Variants in SLC39A11 observed in about 807,000 individuals in gnomAD.
SLC39A11 encodes solute carrier family 39 member 11.
In SLC39A11, 33 loss-of-function variants were observed where a neutral mutation model predicts 36.1. The ratio of observed to expected loss-of-function variants is 0.91; its 90% CI spans 0.69 to 1.22. The LOEUF is 1.22. Among genes scored for constraint, SLC39A11 ranks in the 50% most tolerant of loss-of-function variants. The pLI, the probability that SLC39A11 is intolerant of heterozygous loss-of-function variation, is 0.00. For missense variants in SLC39A11, 432 were observed against 430.3 expected, an observed-to-expected ratio of 1.00 and a Z score of -0.03; for synonymous variants, 166 against 170.3, an observed-to-expected ratio of 0.97 and a Z score of 0.20.
At chr17:72,838,230 TC>T (rs1406014148) in intron 6 of SLC39A11, 123 of 358,998 alleles carry the variant, frequency 3.4e-4, no homozygotes, top group African/African-American at 3.1e-3. Flanking sequence ...TCTTTCCTTT[TC>T]TTTTTTTTTT....
At chr17:72,715,900 T>C (rs1172004142) in intron 7 of SLC39A11, among the ~76,000 whole-genome samples, 3 of 152,080 alleles carry the variant, frequency 2.0e-5, no homozygotes, top group Non-Finnish European at 1.5e-5. Context: ...TTTCACCATG[T>C]TGGCCAGGCT....
chr17:72,757,187 A>G (rs74337148), intron 6 of SLC39A11, among the ~76,000 whole-genome samples: 2,190 of 151,964 alleles, frequency 0.014, 48 homozygotes, highest in African/African-American at 0.049. Context: ...AATAAATAAA[A>G]TAAAATAAAA....
chr17:72,897,351 T>C (rs991788329), intron 5 of SLC39A11, among the ~76,000 whole-genome samples: 5 of 152,138 alleles, frequency 3.3e-5, no homozygotes, highest in Non-Finnish European at 5.9e-5. Context: ...CATGTTAAAA[T>C]TGAAATGAAC....
chr17:72,774,996 G>T (rs1490817733), intron 6 of SLC39A11, among the ~76,000 whole-genome samples: 1 of 135,964 alleles, frequency 7.4e-6, no homozygotes, highest in Non-Finnish European at 1.5e-5. Context: ...TGGCTACAAA[G>T]AAAAAAAAAA....
chr17:72,703,172 C>T (rs756645419), intron 7 of SLC39A11, among the ~76,000 whole-genome samples: 2 of 152,024 alleles, frequency 1.3e-5, no homozygotes, highest in Non-Finnish European at 2.9e-5. Context: ...GGGTTTCCAT[C>T]AGGAGTGGAT....
At chr17:72,761,927 AG>A (rs769212510) in intron 6 of SLC39A11, among the ~76,000 whole-genome samples, 1 of 152,352 alleles carries the variant, frequency 6.6e-6, no homozygotes, top group East Asian at 1.9e-4. Flanking sequence ...ACTGCTGATC[AG>A]GGACCAGAGC....
Position 72,676,070 on chromosome 17 carries a change from T to TCACACA in SLC39A11, c.672-26808_672-26803dup, listed in dbSNP as rs3222866. The stretch of plus-strand genomic sequence containing the variant: ...TCACTCTCCTTCAACTCACAATGTT[T>TCACACA]CACACACACACACACACACACACAC... On this transcript the variant is annotated intron_variant, in intron 7 of 9. Coordinates refer to ENST00000255559, the MANE Select transcript of SLC39A11 (RefSeq NM_139177.4). Among the ~76,000 whole-genome samples, 1,271 of 129,994 alleles carry TCACACA rather than the reference T, an allele frequency of 9.8e-3. 13 individuals are homozygous for TCACACA. The highest frequency in any genetic ancestry group is 0.026 in the African/African-American group (904 of 34,872). 85.3% of individuals were successfully genotyped at this position (129,994 alleles called of 152,430 possible).
At chr17:72,812,277 C>T (rs1419753595) in intron 6 of SLC39A11, among the ~76,000 whole-genome samples, 1 of 152,108 alleles carries the variant, frequency 6.6e-6, no homozygotes, top group Non-Finnish European at 1.5e-5. Context: ...AAACTTTATC[C>T]GTTAGTAGAT....
chr17:72,647,593 G>A lies in SLC39A11; in HGVS notation c.999C>T (p.Gly333=), dbSNP rs1293379079. ...CCGAAGCGTCTCAGCCCTAGCCCAG[G>A]CCAACGTCCAGTGACATCATCACTA... The part of the protein sequence containing the change: ...GFVVMMSLDV[G]LG Residue 333 remains glycine (G), a synonymous_variant, in exon 10 of 10, where the codon GGC becomes GGT. Coordinates refer to ENST00000255559, the MANE Select transcript of SLC39A11 (RefSeq NM_139177.4). The A allele has an allele frequency of 6.2e-6, 10 of 1,613,706 alleles. No individual in the cohort carries two copies. The highest frequency in any genetic ancestry group is 8.5e-6 in the Non-Finnish European group (10 of 1,179,810).
At chr17:72,846,921 A>G (rs1183077206) in intron 6 of SLC39A11, among the ~76,000 whole-genome samples, 2 of 152,180 alleles carry the variant, frequency 1.3e-5, no homozygotes, top group African/African-American at 4.8e-5. Flanking sequence ...ACAGGCTACA[A>G]GTTGCTGTCA....
chr17:72,717,124 A>ATG (rs1204413501), intron 7 of SLC39A11, among the ~76,000 whole-genome samples: 2 of 147,984 alleles, frequency 1.4e-5, no homozygotes, highest in Non-Finnish European at 3.0e-5. Flanking sequence ...ATATGTATAT[A>ATG]TGTATATACT....
intron 5 of SLC39A11, among the ~76,000 whole-genome samples, chr17:72,911,114 A>C (rs2082967177): frequency 6.6e-6 from 1 of 152,044 alleles, no homozygotes; most frequent in African/African-American, 2.4e-5. Flanking sequence ...TTATAAATAG[A>C]CCTTCCCTGT....
Position 73,070,337 on chromosome 17 carries a change from C to T in SLC39A11, c.147+14471G>A, listed in dbSNP as rs1210041326. Among the ~76,000 whole-genome samples, 3 of 152,270 alleles carry T rather than the reference C, an allele frequency of 2.0e-5. No homozygotes were observed. In the East Asian group the frequency reaches 5.8e-4, roughly 29 times the overall value. ...AACACTAATGTCAAGTATGAGCCTT[C>T]CATAGACAGGGCTGCAGCTAGACAC... On this transcript the variant is annotated intron_variant, in intron 3 of 9. Coordinates refer to ENST00000255559, the MANE Select transcript of SLC39A11 (RefSeq NM_139177.4).
intron 6 of SLC39A11, among the ~76,000 whole-genome samples, chr17:72,847,570 A>G (rs1432630922): frequency 3.3e-5 from 5 of 152,182 alleles, no homozygotes; most frequent in Non-Finnish European, 7.4e-5. Flanking sequence ...TAGGATAGAA[A>G]TAACAGAGGA....
chr17:72,979,124 T>C (rs1422715713), intron 4 of SLC39A11, among the ~76,000 whole-genome samples: 1 of 152,170 alleles, frequency 6.6e-6, no homozygotes, highest in Non-Finnish European at 1.5e-5. Flanking sequence ...GTTCTCGTGA[T>C]AGTGAGTGAG....
At chr17:73,058,002 T>C (rs975360784) in intron 3 of SLC39A11, among the ~76,000 whole-genome samples, 2 of 140,012 alleles carry the variant, frequency 1.4e-5, no homozygotes, top group African/African-American at 2.7e-5. Flanking sequence ...TTATTTCGTT[T>C]TAGACTCTTT....
intron 5 of SLC39A11, among the ~76,000 whole-genome samples, chr17:72,858,110 T>A (rs1394757621): frequency 6.6e-6 from 1 of 152,206 alleles, no homozygotes; most frequent in African/African-American, 2.4e-5. Flanking sequence ...TAGTTTTGGG[T>A]TTTAGACTTA....
At chr17:73,055,983 C>A (rs1194142841) in intron 3 of SLC39A11, among the ~76,000 whole-genome samples, 1 of 152,132 alleles carries the variant, frequency 6.6e-6, no homozygotes, top group Non-Finnish European at 1.5e-5. Flanking sequence ...CAATTAAGAT[C>A]TTTAAATTTG....
chr17:72,960,803 T>C (rs117095747), intron 4 of SLC39A11, among the ~76,000 whole-genome samples: 6,835 of 151,924 alleles, frequency 0.045, 177 homozygotes, highest in Non-Finnish European at 0.061. Flanking sequence ...TAGTGAGACC[T>C]TGTCTCAAAA....
Sources: allele counts gnomAD v4.1 joint callset (sites outside exome capture counted in the v4.1 genomes callset), GRCh38; gene constraint gnomAD v4.1.1; transcripts MANE v1.5; gene names NCBI Gene and HGNC (gene_info 2026-07-23, HGNC 2026-07-21).